SNX29: variants seen among roughly 807,000 people sequenced by gnomAD.
SNX29 encodes the protein sorting nexin 29.
In SNX29, 78 loss-of-function variants were observed where a neutral mutation model predicts 102.1. That is an observed-to-expected ratio of 0.76 (90% CI 0.64 to 0.92). The LOEUF is 0.92. Ranked by LOEUF, SNX29 falls within the 40% of genes least tolerant of loss-of-function variation. The pLI, the probability that SNX29 is intolerant of heterozygous loss-of-function variation, is 0.00. For synonymous variants in SNX29, 580 were observed against 414.5 expected (o/e 1.40, Z -4.85); for missense variants, 1,280 against 1,061.7 (o/e 1.21, Z -2.86).
rs2066182727 is a variant in SNX29 at position 12,572,840 on chromosome 16, A to T, written c.*4211A>T. On this transcript the variant is annotated 3_prime_UTR_variant, in exon 21 of 21. Transcript: ENST00000566228. The stretch of plus-strand genomic sequence containing the variant: ...GAGGCATCCCAGAAGGGGCAGCCTC[A>T]TGCCCAGGTTTCAGCCCTAAAGGTA... The T allele has an allele frequency of 1.8e-5, 19 of 1,063,698 alleles. No homozygotes were observed. The South Asian group carries it at 6.8e-4, about 38-fold the overall frequency. 65.9% of individuals were successfully genotyped at this position (1,063,698 alleles called of 1,614,324 possible). A position where few individuals can be genotyped will look rare whatever the true frequency, so the allele number is the denominator to read the frequency against.
At chr16:12,082,538 T>C (rs1567190289) in intron 11 of SNX29, among the ~76,000 whole-genome samples, 2 of 142,598 alleles carry the variant, frequency 1.4e-5, no homozygotes, top group African/African-American at 5.6e-5. Flanking sequence ...GAGGCGTAGA[T>C]TGTTTTTCTT....
chr16:12,013,686 C>G (rs756350013), intron 3 of SNX29, among the ~76,000 whole-genome samples: 2 of 149,822 alleles, frequency 1.3e-5, no homozygotes, highest in Non-Finnish European at 3.0e-5. Context: ...GCTGTGTTGC[C>G]CAGCCTGGAG....
intron 18 of SNX29, among the ~76,000 whole-genome samples, chr16:12,430,852 C>T (rs1042584948): frequency 4.3e-5 from 6 of 139,128 alleles, no homozygotes; most frequent in Non-Finnish European, 6.3e-5. Flanking sequence ...TTGACGCAGT[C>T]TTTTTTTTTT....
chr16:12,372,274 A>T (rs1597120928), intron 16 of SNX29, among the ~76,000 whole-genome samples: 1 of 152,142 alleles, frequency 6.6e-6, no homozygotes, highest in Non-Finnish European at 1.5e-5. Flanking sequence ...CACTCTTCCA[A>T]ATCTTCCCCA....
intron 20 of SNX29, among the ~76,000 whole-genome samples, chr16:12,553,780 G>T (rs1035370255): frequency 2.0e-5 from 3 of 151,968 alleles, no homozygotes; most frequent in Non-Finnish European, 2.9e-5. Context: ...TACAGACAGG[G>T]TTTCACCATG....
At chr16:12,289,946 A>T (rs921860066) in intron 15 of SNX29, among the ~76,000 whole-genome samples, 3 of 152,150 alleles carry the variant, frequency 2.0e-5, no homozygotes, top group African/African-American at 7.2e-5. Flanking sequence ...GCATGAGCTC[A>T]GCCTGCAGGC....
At chr16:12,419,987 A>T (rs1198763839) in intron 18 of SNX29, among the ~76,000 whole-genome samples, 1 of 152,246 alleles carries the variant, frequency 6.6e-6, no homozygotes, top group African/African-American at 2.4e-5. Context: ...GGCTCGGCTT[A>T]GGGCCAGTTT....
Position 12,568,525 on chromosome 16 carries a change from G to A in SNX29, c.2338G>A (p.Glu780Lys), listed in dbSNP as rs936950617. ...PFFVDITPPG[E>K]PVNSRPKAAS... ...TTTCAGCGACATCACCCCGCCCGGA[G>A]AGCCTGTGAACAGCCGGCCCAAAGC... The change falls in exon 21 of 21, where the codon GAG (glutamate) becomes AAG (lysine). Residue 780 changes from glutamate (E) to lysine (K), a missense_variant. Transcript: ENST00000566228. 2.1e-5 allele frequency: 34 copies of A among 1,609,808 alleles called. No homozygotes were observed. Among genetic ancestry groups the A allele is most frequent in the Non-Finnish European group, 2.5e-5 (30 of 1,179,836 alleles).
intron 18 of SNX29, among the ~76,000 whole-genome samples, chr16:12,424,643 G>A (rs79643278): frequency 0.012 from 1,785 of 152,266 alleles, 40 homozygotes; most frequent in African/African-American, 0.04. Flanking sequence ...AGTAGCTTAT[G>A]AAGCAAGCAG....
At chr16:12,149,053 A>G (rs779578644) in intron 13 of SNX29, among the ~76,000 whole-genome samples, 9 of 152,208 alleles carry the variant, frequency 5.9e-5, no homozygotes, top group Non-Finnish European at 1.0e-4. Flanking sequence ...AGCCTGGACA[A>G]TGCCTGGCAC....
chr16:12,223,346 C>A (rs1291541877), intron 14 of SNX29, among the ~76,000 whole-genome samples: 2 of 152,018 alleles, frequency 1.3e-5, no homozygotes, highest in African/African-American at 2.4e-5. Context: ...GCCAACATGG[C>A]AAAACCCTAT....
At chr16:12,009,199 A>C (rs2056561613) in intron 3 of SNX29, among the ~76,000 whole-genome samples, 1 of 152,152 alleles carries the variant, frequency 6.6e-6, no homozygotes, top group Non-Finnish European at 1.5e-5. Context: ...ATAAGTAAAT[A>C]ATAGTACATA....
chr16:12,046,534 T>C, intron 6 of SNX29, 80 bp downstream of exon 6: 1 of 1,335,316 alleles, frequency 7.5e-7, no homozygotes, highest in Non-Finnish European at 1.1e-6. Flanking sequence ...CACAGCGCCA[T>C]GGAGTGTTGT....
At chr16:12,275,091 C>T (rs146749028) in intron 14 of SNX29, among the ~76,000 whole-genome samples, 13 of 152,288 alleles carry the variant, frequency 8.5e-5, no homozygotes, top group African/African-American at 2.6e-4. Context: ...TAGATGTCTA[C>T]TCAGGTGTTG....
chr16:12,142,839 A>T (rs1478527051), intron 13 of SNX29, among the ~76,000 whole-genome samples: 1 of 150,744 alleles, frequency 6.6e-6, no homozygotes, highest in Non-Finnish European at 1.5e-5. Flanking sequence ...GGGATTACAG[A>T]CCTGAGCCAC....
intron 14 of SNX29, among the ~76,000 whole-genome samples, chr16:12,271,092 T>A (rs2079079547): frequency 1.3e-5 from 2 of 152,218 alleles, no homozygotes; most frequent in Non-Finnish European, 2.9e-5. Context: ...TATGGAATGA[T>A]TAAAGACTCT....
chr16:12,238,649 C>T (rs1302697676), intron 14 of SNX29, among the ~76,000 whole-genome samples: 2 of 152,194 alleles, frequency 1.3e-5, no homozygotes, highest in Non-Finnish European at 2.9e-5. Flanking sequence ...TGAGGAACGT[C>T]AGTGGGGACC....
At chr16:12,401,669 CAG>C (rs1286754758) in intron 17 of SNX29, among the ~76,000 whole-genome samples, 4 of 152,086 alleles carry the variant, frequency 2.6e-5, no homozygotes, top group African/African-American at 7.2e-5. Context: ...CAGCCCACAA[CAG>C]AGTAAATTTT....
intron 20 of SNX29, among the ~76,000 whole-genome samples, chr16:12,560,085 G>T (rs2078632573): frequency 6.6e-6 from 1 of 152,048 alleles, no homozygotes; most frequent in Non-Finnish European, 1.5e-5. Flanking sequence ...TCCTAACAGT[G>T]GTTATCCACA....
Sources: allele counts gnomAD v4.1 joint callset (sites outside exome capture counted in the v4.1 genomes callset), GRCh38; gene constraint gnomAD v4.1.1; transcripts MANE v1.5; gene names NCBI Gene and HGNC (gene_info 2026-07-23, HGNC 2026-07-21).